The following POLN variants were observed in gnomAD, a reference collection of about 807,000 sequenced individuals.
The protein encoded by POLN is DNA polymerase nu.
A neutral mutation model predicts 113.5 loss-of-function variants in POLN; 108 were observed. That is an observed-to-expected ratio of 0.95 (90% CI 0.81 to 1.12). The LOEUF (loss-of-function observed/expected upper bound fraction) is 1.12, where lower values mean the gene tolerates loss of function less well. Among genes scored for constraint, POLN ranks in the 50% most tolerant of loss-of-function variants. The pLI, the probability that POLN is intolerant of heterozygous loss-of-function variation, is 0.00. For missense variants in POLN, 1,097 were observed against 1,077.1 expected, an observed-to-expected ratio of 1.02 and a Z score of -0.26; for synonymous variants, 386 against 391.5, an observed-to-expected ratio of 0.99 and a Z score of 0.17.
chr4:2,230,698 C>G (rs1400786524), intron 2 of POLN: 1 of 151,854 alleles, frequency 6.6e-6, no homozygotes, highest in Admixed American at 6.6e-5. Context: ...CCACCCAAAA[C>G]ATGTAGTTTT....
chr4:2,233,861 A>C (rs1441103950), intron 2 of POLN, among the ~76,000 whole-genome samples: 1 of 152,230 alleles, frequency 6.6e-6, no homozygotes, highest in African/African-American at 2.4e-5. Flanking sequence ...GTAGACACTT[A>C]TATAGTGCTG....
At chr4:2,199,820 G>A (rs755045679) in intron 5 of POLN, among the ~76,000 whole-genome samples, 1 of 151,900 alleles carries the variant, frequency 6.6e-6, no homozygotes, top group Non-Finnish European at 1.5e-5. Context: ...CAGCCAATCC[G>A]CCCACCTTGC....
At chr4:2,158,762 G>A (rs1732501108) in intron 14 of POLN, among the ~76,000 whole-genome samples, 2 of 152,324 alleles carry the variant, frequency 1.3e-5, no homozygotes, top group African/African-American at 4.8e-5. Flanking sequence ...CCTGGCAAAT[G>A]TAAGTGCAAG....
In POLN at chr4:2,171,110, G is replaced by A; in HGVS notation, c.1446C>T (p.Asn482=). 6.2e-7 allele frequency: 1 copy of A among 1,612,810 alleles called. No individual in the cohort carries two copies. The highest frequency in any genetic ancestry group is 8.5e-7 in the Non-Finnish European group (1 of 1,179,624). The change falls in exon 12 of 26, where the codon AAC becomes AAT. Residue 482 remains asparagine (N), a synonymous_variant. Coordinates refer to ENST00000511885, the MANE Select transcript of POLN (RefSeq NM_181808.4). ...AGERFLITSN[N]QLREILFGKL... ...AATTCAGCTTTACCTCTCGAAGCTG[G>A]TTATTGCTCGTTATAAGAAACCGTT...
Position 2,225,606 on chromosome 4 carries a change from TTTTG to T in POLN, c.133+3489_133+3492del, listed in dbSNP as rs538581609. Among the ~76,000 whole-genome samples, 531 of 151,692 alleles carry T rather than the reference TTTTG, an allele frequency of 3.5e-3. 1 individual carries two copies. The highest frequency in any genetic ancestry group is 5.8e-3 in the African/African-American group (240 of 41,300). ...TTGTGTGGAATTACAGATTTTAGTT[TTTTG>T]TTTGTTTTTTCTAAAAAAAAAAACA... On this transcript the variant is annotated intron_variant, in intron 3 of 25. Transcript: ENST00000511885.
At chr4:2,167,249 G>C (rs1732751741) in intron 13 of POLN, among the ~76,000 whole-genome samples, 1 of 152,164 alleles carries the variant, frequency 6.6e-6, no homozygotes, top group Non-Finnish European at 1.5e-5. Flanking sequence ...AATGATGAGT[G>C]GCTGGTCCAG....
At chr4:2,149,389 G>T (rs1212339809) in intron 16 of POLN, among the ~76,000 whole-genome samples, 1 of 152,118 alleles carries the variant, frequency 6.6e-6, no homozygotes, top group Middle Eastern at 3.2e-3. Context: ...ATCTACAAAA[G>T]CCAGGGGAAT....
chr4:2,225,079 C>T (rs991350858), intron 3 of POLN, among the ~76,000 whole-genome samples: 1 of 151,860 alleles, frequency 6.6e-6, no homozygotes, highest in Non-Finnish European at 1.5e-5. Flanking sequence ...CTGTCGTTGA[C>T]CAAAACATCA....
At chr4:2,072,652 G>A (rs995350269) in intron 25 of POLN, among the ~76,000 whole-genome samples, 66 of 152,304 alleles carry the variant, frequency 4.3e-4, no homozygotes, top group African/African-American at 1.5e-3. Context: ...TCCTGCCCCC[G>A]GGAGGATTGG....
chr4:2,183,067 C>G (rs1733183504), intron 7 of POLN, among the ~76,000 whole-genome samples: 1 of 152,180 alleles, frequency 6.6e-6, no homozygotes, highest in Non-Finnish European at 1.5e-5. Context: ...TGTCCAATAT[C>G]ATTAGGCATC....
intron 17 of POLN, among the ~76,000 whole-genome samples, chr4:2,130,406 G>A (rs1219504608): frequency 6.6e-6 from 1 of 152,186 alleles, no homozygotes; most frequent in Non-Finnish European, 1.5e-5. Context: ...ACAGGGGCAG[G>A]AGCGCCACTG....
intron 7 of POLN, among the ~76,000 whole-genome samples, chr4:2,181,866 G>A (rs1733151485): frequency 6.6e-6 from 1 of 152,104 alleles, no homozygotes; most frequent in African/African-American, 2.4e-5. Flanking sequence ...TGGGTGTGGT[G>A]GTGGGCACCT....
chr4:2,110,478 T>C (rs1457816305), intron 19 of POLN, among the ~76,000 whole-genome samples: 2 of 151,956 alleles, frequency 1.3e-5, no homozygotes, highest in Admixed American at 6.6e-5. Context: ...ATCAACAAAA[T>C]TGATAGACTG....
chr4:2,229,504 C>A, intron 2 of POLN: 1 of 263,866 alleles, frequency 3.8e-6, no homozygotes, highest in Non-Finnish European at 7.1e-6. Flanking sequence ...TACTCAAATA[C>A]ATCCTGAGGT....
chr4:2,174,287 C>G (rs1428478422), intron 10 of POLN, among the ~76,000 whole-genome samples: 1 of 152,244 alleles, frequency 6.6e-6, no homozygotes, highest in Non-Finnish European at 1.5e-5. Flanking sequence ...TGAATGCCCC[C>G]TGGCTGACGT....
intron 13 of POLN, among the ~76,000 whole-genome samples, chr4:2,165,822 A>G (rs1278609226): frequency 6.6e-6 from 1 of 152,044 alleles, no homozygotes; most frequent in African/African-American, 2.4e-5. Flanking sequence ...TGTTGCACAG[A>G]ATGGAGGGCA....
Position 2,164,229 on chromosome 4 carries a change from T to C in POLN, c.1555-5018A>G, listed in dbSNP as rs146087275. Reference sequence around the variant, plus strand: ...CTAAAAGAGTGATCTTGGCTGGGCATGGTGGCTCACACATGTAATCCCAGC... The same window carrying C: ...CTAAAAGAGTGATCTTGGCTGGGCACGGTGGCTCACACATGTAATCCCAGC... On this transcript the variant is annotated intron_variant, in intron 13 of 25. Coordinates refer to ENST00000511885, the MANE Select transcript of POLN (RefSeq NM_181808.4). Among the ~76,000 whole-genome samples the C allele has an allele frequency of 2.2e-3, 340 of 152,290 alleles. 3 individuals carry two copies. The highest frequency in any genetic ancestry group is 7.9e-3 in the African/African-American group (329 of 41,554).
intron 16 of POLN, among the ~76,000 whole-genome samples, chr4:2,142,350 C>T (rs1224000711): frequency 6.6e-6 from 1 of 152,186 alleles, no homozygotes; most frequent in African/African-American, 2.4e-5. Context: ...GCAAGAGGTG[C>T]TGGGAACAAA....
intron 19 of POLN, among the ~76,000 whole-genome samples, chr4:2,119,886 T>A (rs966106786): frequency 1.3e-5 from 2 of 152,184 alleles, no homozygotes; most frequent in Non-Finnish European, 2.9e-5. Context: ...TAAAAGCTTC[T>A]TATTTTTGAA....
Sources: allele counts gnomAD v4.1 joint callset (sites outside exome capture counted in the v4.1 genomes callset), GRCh38; gene constraint gnomAD v4.1.1; transcripts MANE v1.5; gene names NCBI Gene and HGNC (gene_info 2026-07-23, HGNC 2026-07-21).